DAB1: variants seen among roughly 807,000 people sequenced by gnomAD.
DAB1 encodes the protein DAB adaptor protein 1.
Under a neutral mutation model 64.6 loss-of-function variants are expected in DAB1, and 15 were observed. The ratio of observed to expected loss-of-function variants is 0.23; its 90% CI spans 0.16 to 0.36. The LOEUF (loss-of-function observed/expected upper bound fraction) is 0.36. Among genes scored for constraint, DAB1 ranks in the 10% least tolerant of loss-of-function variants. The pLI, the probability that DAB1 is intolerant of heterozygous loss-of-function variation, is 1.00. For missense variants in DAB1, 596 were observed against 706.7 expected (o/e 0.84, Z 1.78); for synonymous variants, 235 against 251.9 (o/e 0.93, Z 0.64).
intron 2 of DAB1, among the ~76,000 whole-genome samples, chr1:57,287,869 C>T (rs780718703): frequency 1.3e-5 from 2 of 151,790 alleles, no homozygotes; most frequent in African/African-American, 4.8e-5. Context: ...CATCTTGGCT[C>T]ACCGTAACCT....
At chr1:58,541,167 G>A (rs1646603003) in intron 1 of DAB1, among the ~76,000 whole-genome samples, 1 of 151,402 alleles carries the variant, frequency 6.6e-6, no homozygotes, top group Non-Finnish European at 1.5e-5. Flanking sequence ...GGTGGCACTT[G>A]CCTGTAATCC....
chr1:57,444,279 TA>T (rs1329276152), intron 7 of DAB1, among the ~76,000 whole-genome samples: 1 of 152,210 alleles, frequency 6.6e-6, no homozygotes, highest in Non-Finnish European at 1.5e-5. Flanking sequence ...TAATTCAAAA[TA>T]TTCTGTCATT....
At chr1:58,140,164 T>G (rs1239696313) in intron 5 of DAB1, among the ~76,000 whole-genome samples, 1 of 152,234 alleles carries the variant, frequency 6.6e-6, no homozygotes, top group Non-Finnish European at 1.5e-5. Flanking sequence ...TTCCAGGTCT[T>G]TCTCTACCAA....
At position 57,407,434 on chromosome 1, in the gene DAB1, T is replaced by C. The variant is rs183650159; in HGVS notation, c.-137+16496A>G. ...ATTCTCTTTACTATCCTGAGGCATG[T>C]CCTTTACAAAGGGAAGAGCGGTGTG... is the stretch of plus-strand genomic sequence containing the variant. On this transcript the variant is annotated intron_variant, in intron 1 of 14. Transcript: ENST00000371236. Among the ~76,000 whole-genome samples the C allele has an allele frequency of 9.2e-5, 14 of 152,336 alleles. No individual in the cohort carries two copies. The East Asian group carries it at 2.3e-3, about 25-fold the overall frequency.
chr1:57,071,177 G>T, intron 6 of DAB1, 116 bp from the exon 7 acceptor site: 1 of 1,015,692 alleles, frequency 9.8e-7, no homozygotes, highest in Non-Finnish European at 1.5e-6. Flanking sequence ...AGAAGAGGCT[G>T]GTGGGCCATC....
At chr1:58,367,802 A>G (rs1644230070) in intron 3 of DAB1, among the ~76,000 whole-genome samples, 1 of 152,166 alleles carries the variant, frequency 6.6e-6, no homozygotes, top group Non-Finnish European at 1.5e-5. Context: ...TTACATGACC[A>G]TGGGCTCATT....
In DAB1 at chr1:57,148,156, A is replaced by T. The variant is rs74661107; in HGVS notation, c.68-2727T>A. On this transcript the variant is annotated intron_variant, in intron 2 of 14. Coordinates refer to ENST00000371236, the MANE Select transcript of DAB1 (RefSeq NM_001365792.1). ...AGATTCCAGTCATCAGTCATCTCTA[A>T]AAAACTGTCTATGAGTCAGATACAA... Among the ~76,000 whole-genome samples, 1,177 of 152,318 alleles carry T rather than the reference A, an allele frequency of 7.7e-3. 17 individuals carry two copies. The highest frequency in any genetic ancestry group is 0.066 in the East Asian group (342 of 5,176).
At chr1:57,305,084 A>C (rs1346373019) in intron 1 of DAB1, among the ~76,000 whole-genome samples, 1 of 152,220 alleles carries the variant, frequency 6.6e-6, no homozygotes, top group Non-Finnish European at 1.5e-5. Flanking sequence ...ATTCACATTA[A>C]GATTATTTCT....
At chr1:57,356,000 C>A (rs1470224767) in intron 1 of DAB1, among the ~76,000 whole-genome samples, 1 of 151,998 alleles carries the variant, frequency 6.6e-6, no homozygotes, top group African/African-American at 2.4e-5. Context: ...TCTTCTGTCG[C>A]CCTTATCACA....
chr1:58,105,043 G>A (rs1395155749), intron 5 of DAB1, among the ~76,000 whole-genome samples: 1 of 152,058 alleles, frequency 6.6e-6, no homozygotes, highest in African/African-American at 2.4e-5. Context: ...ACCCTCTAAG[G>A]CAAACTTCCC....
At position 58,260,326 on chromosome 1, in the gene DAB1, T is replaced by C. The variant is rs114466274; in HGVS notation, n.309+83026A>G. ...GGAAAGAATAGGAAGGAGACTAAAC[T>C]GGCCAGCATAGAGGGGAATCTGGGC... On this transcript the variant is annotated intron_variant and non_coding_transcript_variant, in intron 4 of 20. Transcript: ENST00000485760. Among the ~76,000 whole-genome samples the C allele has an allele frequency of 5.4e-3, 816 of 152,276 alleles. 9 individuals carry two copies. The highest frequency in any genetic ancestry group is 0.019 in the African/African-American group (776 of 41,554).
At chr1:58,184,680 C>T (rs1410202657) in intron 4 of DAB1, among the ~76,000 whole-genome samples, 1 of 152,120 alleles carries the variant, frequency 6.6e-6, no homozygotes, top group Non-Finnish European at 1.5e-5. Context: ...ACTAGATGTT[C>T]ACAGCAGGTG....
chr1:57,556,979 C>A (rs1029786737), intron 7 of DAB1, among the ~76,000 whole-genome samples: 1 of 152,092 alleles, frequency 6.6e-6, no homozygotes, highest in Admixed American at 6.6e-5. Context: ...CGTGGCATGC[C>A]AATTATCCCA....
At chr1:57,598,259 G>A (rs1416877391) in intron 7 of DAB1, among the ~76,000 whole-genome samples, 3 of 152,212 alleles carry the variant, frequency 2.0e-5, no homozygotes, top group African/African-American at 2.4e-5. Context: ...TGGGATTACA[G>A]GCGTGAGCCA....
At chr1:57,642,563 C>A (rs1360700370) in intron 7 of DAB1, among the ~76,000 whole-genome samples, 1 of 152,184 alleles carries the variant, frequency 6.6e-6, no homozygotes, top group Non-Finnish European at 1.5e-5. Context: ...CTCTTATCAA[C>A]TCTAGGTGTC....
intron 7 of DAB1, among the ~76,000 whole-genome samples, chr1:57,483,386 T>C (rs2101248249): frequency 6.6e-6 from 1 of 152,256 alleles, no homozygotes; most frequent in Non-Finnish European, 1.5e-5. Flanking sequence ...GACGGTTTTA[T>C]AAGGGGAAAC....
chr1:57,823,226 G>A (rs759548118), downstream of DAB1, among the ~76,000 whole-genome samples: 6 of 151,822 alleles, frequency 4.0e-5, no homozygotes, highest in Non-Finnish European at 7.4e-5. Context: ...CTCGTGATCC[G>A]CCCACCTCGA....
At chr1:58,329,091 T>G (rs920878771) in intron 4 of DAB1, among the ~76,000 whole-genome samples, 3 of 152,364 alleles carry the variant, frequency 2.0e-5, no homozygotes, top group Middle Eastern at 3.4e-3. Flanking sequence ...ACATCTATTT[T>G]TAGAAATATA....
intron 2 of DAB1, among the ~76,000 whole-genome samples, chr1:57,155,640 C>T (rs966791009): frequency 1.3e-5 from 2 of 151,482 alleles, no homozygotes; most frequent in Non-Finnish European, 2.9e-5. Context: ...GTAGTATGGA[C>T]ATTTTAATAA....
Sources: allele counts gnomAD v4.1 joint callset (sites outside exome capture counted in the v4.1 genomes callset), GRCh38; gene constraint gnomAD v4.1.1; transcripts MANE v1.5; gene names NCBI Gene and HGNC (gene_info 2026-07-23, HGNC 2026-07-21).